Variants in TSPAN15 observed in about 807,000 individuals in gnomAD.
TSPAN15 encodes the protein tetraspanin-15.
A neutral mutation model predicts 34.5 loss-of-function variants in TSPAN15; 20 were observed. The observed-to-expected ratio is 0.58, with a 90% CI of 0.41 to 0.84. The LOEUF (loss-of-function observed/expected upper bound fraction) is 0.84, where lower values mean the gene tolerates loss of function less well. TSPAN15 is among the 40% of genes least tolerant of loss of function. TSPAN15 has a pLI of 0.00. For synonymous variants in TSPAN15, 155 were observed against 153.9 expected (o/e 1.01, Z -0.05); for missense variants, 313 against 386.1 (o/e 0.81, Z 1.59).
chr10:69,547,396 G>A, the TSPAN15 span, among the ~76,000 whole-genome samples: 2 of 152,126 alleles, frequency 1.3e-5, no homozygotes, highest in African/African-American at 2.4e-5. Flanking sequence ...CTCACTGCTG[G>A]GAGAGATAAA....
chr10:69,473,600 G>A (rs1841552336), intron 1 of TSPAN15, among the ~76,000 whole-genome samples: 1 of 152,148 alleles, frequency 6.6e-6, no homozygotes, highest in Non-Finnish European at 1.5e-5. Context: ...GAGCAGTAGA[G>A]CAACCCTTGG....
intron 1 of TSPAN15, among the ~76,000 whole-genome samples, chr10:69,470,733 T>TA (rs1841487250): frequency 6.6e-6 from 1 of 151,980 alleles, no homozygotes; most frequent in Non-Finnish European, 1.5e-5. Flanking sequence ...TTATTTAAAA[T>TA]AAAAAAAGAT....
chr10:69,537,681 A>G, the TSPAN15 span, among the ~76,000 whole-genome samples: 3 of 152,152 alleles, frequency 2.0e-5, no homozygotes, highest in Non-Finnish European at 2.9e-5. Flanking sequence ...CAATGACCCT[A>G]TTTCCAAATA....
At chr10:69,527,131 G>A in the TSPAN15 span, among the ~76,000 whole-genome samples, 1 of 148,100 alleles carries the variant, frequency 6.8e-6, no homozygotes, top group Non-Finnish European at 1.5e-5. Context: ...ACAGTGGAAT[G>A]TTATTTGGCC....
At chr10:69,482,882 C>G (rs1169486700) in intron 1 of TSPAN15, among the ~76,000 whole-genome samples, 1 of 152,166 alleles carries the variant, frequency 6.6e-6, no homozygotes, top group Non-Finnish European at 1.5e-5. Context: ...ACATCAAGTA[C>G]CAGACTGAAT....
chr10:69,491,274 C>G (rs1841963456), intron 3 of TSPAN15, among the ~76,000 whole-genome samples: 1 of 152,232 alleles, frequency 6.6e-6, no homozygotes, highest in Non-Finnish European at 1.5e-5. Flanking sequence ...GGGTAAGTCC[C>G]CGTTCTAGAG....
At chr10:69,470,397 G>C (rs1841479568) in intron 1 of TSPAN15, among the ~76,000 whole-genome samples, 1 of 152,170 alleles carries the variant, frequency 6.6e-6, no homozygotes, top group African/African-American at 2.4e-5. Flanking sequence ...ACTTTTAAAA[G>C]TTAATCTGAA....
the TSPAN15 span, among the ~76,000 whole-genome samples, chr10:69,520,689 A>G: frequency 4.2e-4 from 64 of 152,318 alleles, no homozygotes; most frequent in African/African-American, 1.5e-3. Context: ...CATTGTATGC[A>G]TATACCACAT....
At chr10:69,469,309 T>A (rs2133083921) in intron 1 of TSPAN15, among the ~76,000 whole-genome samples, 1 of 152,306 alleles carries the variant, frequency 6.6e-6, no homozygotes, top group East Asian at 1.9e-4. Flanking sequence ...TTCTTTGTAA[T>A]ACACTGGTTA....
downstream of TSPAN15, among the ~76,000 whole-genome samples, chr10:69,509,622 C>G (rs1020471232): frequency 9.9e-5 from 15 of 152,082 alleles, no homozygotes; most frequent in African/African-American, 3.6e-4. Flanking sequence ...CTTTTGTTGC[C>G]ATTGCTTTTG....
At chr10:69,492,837 G>T (rs1488718225) in intron 3 of TSPAN15, among the ~76,000 whole-genome samples, 2 of 152,176 alleles carry the variant, frequency 1.3e-5, no homozygotes, top group Non-Finnish European at 2.9e-5. Context: ...GGCCAGTGGG[G>T]GTGCTGTAAG....
chr10:69,506,781 T>C lies in TSPAN15; in HGVS notation c.736-48T>C. On this transcript the variant is annotated intron_variant, in intron 7 of 7. Coordinates refer to ENST00000373290, the MANE Select transcript of TSPAN15 (RefSeq NM_012339.5). This position sits in a 1 kb window ranked among gnomAD's most constrained non-coding sequence, Gnocchi z 4.7. ...GGGAGCCGGGAGCTGCAGGGAGGGC[T>C]GCCCTGATTCCCAGCAGGCCCTCAC... 1.3e-6 allele frequency: 2 copies of C among 1,537,816 alleles called. No homozygotes were observed.
the TSPAN15 span, among the ~76,000 whole-genome samples, chr10:69,532,682 G>A: frequency 0.11 from 17,381 of 152,170 alleles, 1,256 homozygotes; most frequent in South Asian, 0.16. Flanking sequence ...AAATTGCTAG[G>A]ACTTAATTAA....
the TSPAN15 span, among the ~76,000 whole-genome samples, chr10:69,517,064 C>T: frequency 6.6e-6 from 1 of 152,208 alleles, no homozygotes; most frequent in Admixed American, 6.5e-5. Context: ...CCTCTGCCTT[C>T]TCCTCTCCAG....
At position 69,506,161 on chromosome 10, in the gene TSPAN15, G is replaced by A. The variant is rs1167354718; in HGVS notation, c.656G>A (p.Cys219Tyr). Residue 219 changes from cysteine to tyrosine, a missense_variant, in exon 7 of 8, where the codon TGC (cysteine) becomes TAC (tyrosine). Transcript: ENST00000373290. The surrounding 1 kb of genome is among the most constrained non-coding windows in gnomAD (Gnocchi z 4.7). ...CAGGATGTCATCTACGTGCGGGGCT[G>A]CACCAACGCCGTGATCATCTGGTTC... is the stretch of plus-strand genomic sequence containing the variant. ...SVQDVIYVRG[C>Y]TNAVIIWFMD... is the part of the protein sequence containing the mutation. The A allele has an allele frequency of 1.2e-6, 2 of 1,614,182 alleles. No individual in the cohort carries two copies. The highest frequency in any genetic ancestry group is 1.7e-6 in the Non-Finnish European group (2 of 1,180,022).
rs3028371 is a variant in TSPAN15 at position 69,496,320 on chromosome 10, CAATAATAATAATAAT to C, written c.453+668_453+682del. On this transcript the variant is annotated intron_variant, in intron 4 of 7. Transcript: ENST00000373290. ...CTAGGTCCACCCAAATCTGTTGGTG[CAATAATAATAATAAT>C]AATAATAATAATAATAATAATAATA... Among the ~76,000 whole-genome samples, 846 of 132,502 alleles carry C rather than the reference CAATAATAATAATAAT, an allele frequency of 6.4e-3. 7 individuals carry two copies. Among genetic ancestry groups the C allele is most frequent in the South Asian group, 0.023 (89 of 3,794 alleles). 86.9% of individuals were successfully genotyped at this position (132,502 alleles called of 152,430 possible).
At chr10:69,527,142 A>T in the TSPAN15 span, among the ~76,000 whole-genome samples, 4 of 148,206 alleles carry the variant, frequency 2.7e-5, no homozygotes, top group Non-Finnish European at 6.0e-5. Flanking sequence ...TTATTTGGCC[A>T]TAAAAGGTAC....
chr10:69,484,888 A>T (rs1841817965), intron 2 of TSPAN15, among the ~76,000 whole-genome samples: 1 of 152,008 alleles, frequency 6.6e-6, no homozygotes, highest in Admixed American at 6.5e-5. Flanking sequence ...CCCAAGACAA[A>T]TGGAGGTAAC....
At chr10:69,471,587 C>T (rs1841507876) in intron 1 of TSPAN15, among the ~76,000 whole-genome samples, 3 of 151,124 alleles carry the variant, frequency 2.0e-5, no homozygotes, top group African/African-American at 7.3e-5. Context: ...ACCTTCTCTC[C>T]CTCCCCTCTT....
Sources: allele counts gnomAD v4.1 joint callset (sites outside exome capture counted in the v4.1 genomes callset), GRCh38; gene constraint gnomAD v4.1.1; non-coding constraint Gnocchi (gnomAD v3.1); transcripts MANE v1.5; gene names NCBI Gene and HGNC (gene_info 2026-07-23, HGNC 2026-07-21).